Variants in ACYP2 observed in about 807,000 individuals in gnomAD.
The protein encoded by ACYP2 is acylphosphatase-2.
ACYP2 carries 12 observed loss-of-function variants against 11.2 expected under a neutral mutation model. That is an observed-to-expected ratio of 1.08 (90% confidence interval 0.69 to 1.74). The LOEUF is 1.74. Among genes scored for constraint, ACYP2 ranks in the 40% most tolerant of loss-of-function variants. The pLI is 0.00. For synonymous variants in ACYP2, 43 were observed against 32.2 expected (o/e 1.33, Z -1.13); for missense variants, 134 against 101.9 (o/e 1.31, Z -1.35).
chr2:54,177,905 A>ATT (rs1278343210), intron 6 of ACYP2, among the ~76,000 whole-genome samples: 55 of 33,206 alleles, frequency 1.7e-3, no homozygotes, highest in East Asian at 0.016. Flanking sequence ...TTCTTTCTTT[A>ATT]TTTTTTTTTT....
intron 5 of ACYP2, 57 bp from the exon 3 acceptor site, chr2:54,138,582 T>C: frequency 1.4e-6 from 2 of 1,380,842 alleles, no homozygotes; most frequent in Non-Finnish European, 2.0e-6. Flanking sequence ...ATCAAGTATG[T>C]TATGAACTCA....
intron 4 of ACYP2, among the ~76,000 whole-genome samples, chr2:54,073,655 C>G (rs1677179162): frequency 6.6e-6 from 1 of 151,980 alleles, no homozygotes; most frequent in African/African-American, 2.4e-5. Context: ...GAACTTATAC[C>G]TAGAATATGT....
chr2:54,149,262 C>G (rs1472124928), intron 6 of ACYP2, among the ~76,000 whole-genome samples: 1 of 152,216 alleles, frequency 6.6e-6, no homozygotes, highest in Non-Finnish European at 1.5e-5. Context: ...ACAACAGGGA[C>G]CATCATTTAG....
chr2:54,043,077 G>C (rs1035934673), intron 2 of ACYP2, among the ~76,000 whole-genome samples: 1 of 151,586 alleles, frequency 6.6e-6, no homozygotes, highest in African/African-American at 2.4e-5. Context: ...TGTGGGGTGT[G>C]TGTGTGTGTG....
chr2:53,983,842 T>C (rs1221746965), intron 2 of ACYP2, among the ~76,000 whole-genome samples: 1 of 152,092 alleles, frequency 6.6e-6, no homozygotes, highest in African/African-American at 2.4e-5. Context: ...ACCAAGAGTT[T>C]TCAATGGGCC....
intron 6 of ACYP2, among the ~76,000 whole-genome samples, chr2:54,221,605 C>T (rs2103950931): frequency 6.8e-6 from 1 of 147,128 alleles, no homozygotes; most frequent in African/African-American, 2.5e-5. Context: ...AAAGTAACCT[C>T]TGCTTCCCAG....
At chr2:54,255,929 C>T (rs765134981) in intron 6 of ACYP2, 9 of 1,613,976 alleles carry the variant, frequency 5.6e-6, no homozygotes, top group Non-Finnish European at 7.6e-6. Flanking sequence ...CCCGCATCGA[C>T]CAAGATGTGG....
chr2:53,983,925 CAAG>C (rs973926750), intron 2 of ACYP2, among the ~76,000 whole-genome samples: 2 of 152,104 alleles, frequency 1.3e-5, no homozygotes, highest in Non-Finnish European at 2.9e-5. Context: ...AGAAAAGAGA[CAAG>C]AAGGTAAACT....
At chr2:54,189,360 C>G (rs764112120) in intron 6 of ACYP2, among the ~76,000 whole-genome samples, 4 of 152,132 alleles carry the variant, frequency 2.6e-5, no homozygotes, top group Admixed American at 1.3e-4. Context: ...CTGCCTTATT[C>G]TCTAACTTTG....
chr2:54,242,065 T>C (rs978134667), intron 6 of ACYP2, among the ~76,000 whole-genome samples: 6 of 152,200 alleles, frequency 3.9e-5, no homozygotes, highest in African/African-American at 1.2e-4. Flanking sequence ...AAATTAGCCA[T>C]GTATTTATAA....
chr2:54,119,895 C>T (rs1356601582), intron 4 of ACYP2, among the ~76,000 whole-genome samples: 1 of 152,150 alleles, frequency 6.6e-6, no homozygotes, highest in Non-Finnish European at 1.5e-5. Flanking sequence ...TTAGACTTAC[C>T]TTGTTGTCGA....
intron 6 of ACYP2, among the ~76,000 whole-genome samples, chr2:54,144,639 A>G (rs368208501): frequency 1.5e-4 from 23 of 149,274 alleles, no homozygotes; most frequent in African/African-American, 5.2e-4. Flanking sequence ...ATGCCACTGC[A>G]CTCTAGCCTG....
intron 6 of ACYP2, among the ~76,000 whole-genome samples, chr2:54,286,754 C>T (rs1689094700): frequency 6.6e-6 from 1 of 152,004 alleles, no homozygotes; most frequent in Admixed American, 6.6e-5. Context: ...ATGGATTTGT[C>T]CTCATCTGAC....
chr2:54,097,199 C>T (rs1317963497), intron 4 of ACYP2, among the ~76,000 whole-genome samples: 1 of 152,252 alleles, frequency 6.6e-6, no homozygotes, highest in African/African-American at 2.4e-5. Flanking sequence ...TCTGGCCCCA[C>T]TCCTGGTCCT....
intron 6 of ACYP2, chr2:54,223,091 CCTT>C (rs1685867209): frequency 6.6e-6 from 1 of 152,166 alleles, no homozygotes. Flanking sequence ...TCAGTGAGTG[CCTT>C]CTTTGACTCT....
chr2:54,013,354 G>C (rs142935288), intron 2 of ACYP2, among the ~76,000 whole-genome samples: 1 of 149,624 alleles, frequency 6.7e-6, no homozygotes, highest in African/African-American at 2.5e-5. Flanking sequence ...CGGCTGGGGT[G>C]CAATGTCACA....
chr2:54,163,664 G>C (rs1452374626), intron 6 of ACYP2, among the ~76,000 whole-genome samples: 2 of 152,094 alleles, frequency 1.3e-5, no homozygotes, highest in Non-Finnish European at 2.9e-5. Context: ...AGACCAGCCT[G>C]GCCAATGTGG....
At chr2:54,255,723 T>C in intron 6 of ACYP2, 1 of 1,613,984 alleles carries the variant, frequency 6.2e-7, no homozygotes, top group Non-Finnish European at 8.5e-7. Flanking sequence ...CCTTCCCCTC[T>C]GCAATCACTT....
chr2:53,978,904 CAG>C (rs1671619301), intron 2 of ACYP2, among the ~76,000 whole-genome samples: 1 of 151,864 alleles, frequency 6.6e-6, no homozygotes, highest in Admixed American at 6.6e-5. Flanking sequence ...GCCTGGATGA[CAG>C]AGTAAGACCT....
Sources: allele counts gnomAD v4.1 joint callset (sites outside exome capture counted in the v4.1 genomes callset), GRCh38; gene constraint gnomAD v4.1.1; transcripts MANE v1.5; gene names NCBI Gene and HGNC (gene_info 2026-07-23, HGNC 2026-07-21).